The following SESN1 variants were observed in gnomAD, a reference collection of about 807,000 sequenced individuals.
SESN1 encodes the protein sestrin 1.
Under a neutral mutation model 59.3 loss-of-function variants are expected in SESN1, and 30 were observed. The observed-to-expected ratio is 0.51, with a 90% CI of 0.38 to 0.69. SESN1 has a LOEUF of 0.69. SESN1 is among the 30% of genes least tolerant of loss of function. SESN1 has a pLI of 0.00. For synonymous variants in SESN1, 197 were observed against 219.9 expected (o/e 0.90, Z 0.92); for missense variants, 566 against 673.0 (o/e 0.84, Z 1.76).
At chr6:108,992,045 A>C (rs1384019905) in intron 7 of SESN1, among the ~76,000 whole-genome samples, 2 of 152,080 alleles carry the variant, frequency 1.3e-5, no homozygotes, top group East Asian at 3.9e-4. Flanking sequence ...TCAATTTCTA[A>C]TCTATTGCAT....
intron 1 of SESN1, among the ~76,000 whole-genome samples, chr6:109,021,389 AC>A (rs777197681): frequency 5.9e-5 from 9 of 152,068 alleles, no homozygotes; most frequent in Non-Finnish European, 8.8e-5. Context: ...TTTCCATACA[AC>A]CCTAGAGTAG....
chr6:109,051,544 A>G (rs1387157338), intron 1 of SESN1, among the ~76,000 whole-genome samples: 4 of 152,198 alleles, frequency 2.6e-5, no homozygotes, highest in Admixed American at 2.0e-4. Flanking sequence ...ATGGGGTTCT[A>G]AAGTATGAAA....
At chr6:109,034,231 G>A (rs763969474) in intron 1 of SESN1, among the ~76,000 whole-genome samples, 5 of 151,998 alleles carry the variant, frequency 3.3e-5, no homozygotes, top group African/African-American at 9.7e-5. Context: ...TTTGTGTTTT[G>A]GACTTGAATA....
intron 1 of SESN1, among the ~76,000 whole-genome samples, chr6:109,006,322 A>C (rs999099639): frequency 3.9e-5 from 6 of 152,230 alleles, no homozygotes; most frequent in Non-Finnish European, 7.4e-5. Flanking sequence ...ATTATACTTT[A>C]AGTTCTAGGG....
rs1221027320 is a variant in SESN1, at chr6:108,986,226, C to T, written c.*1318G>A. 6.6e-6 allele frequency among the ~76,000 whole-genome samples: 1 copy of T among 152,146 alleles called. No individual in the cohort carries two copies. The highest frequency in any genetic ancestry group is 1.5e-5 in the Non-Finnish European group (1 of 68,028). ...AACTCTAAAACAGTTGAAAAGAGAG[C>T]AGGCATAGGGCCATACCAGTCATTT... On this transcript the variant is annotated 3_prime_UTR_variant, in exon 10 of 10. Coordinates refer to ENST00000436639, the MANE Select transcript of SESN1 (RefSeq NM_014454.3).
chr6:109,023,769 G>T (rs1164770296), intron 1 of SESN1, among the ~76,000 whole-genome samples: 1 of 151,974 alleles, frequency 6.6e-6, no homozygotes, highest in Non-Finnish European at 1.5e-5. Flanking sequence ...TTACCATTTG[G>T]CATAAACAAA....
Position 109,034,886 on chromosome 6 carries a change from C to T in SESN1, c.280-32543G>A, listed in dbSNP as rs572816969. On this transcript the variant is annotated intron_variant, in intron 1 of 9. Transcript: ENST00000436639. ...GAGCTGCTAAACCAGTCCTGCATTGCCTTTATTTACAAGGAAGAAAAATAA... is the reference window on the plus strand; with the variant it reads ...GAGCTGCTAAACCAGTCCTGCATTGTCTTTATTTACAAGGAAGAAAAATAA... 1.7e-4 allele frequency among the ~76,000 whole-genome samples: 26 copies of T among 152,220 alleles called. No individual in the cohort carries two copies. In the South Asian group the frequency reaches 5.4e-3, roughly 32 times the overall value.
chr6:109,051,805 A>T (rs1451695934), intron 1 of SESN1, among the ~76,000 whole-genome samples: 1 of 152,198 alleles, frequency 6.6e-6, no homozygotes, highest in East Asian at 1.9e-4. Context: ...ATTTGGTCTG[A>T]TAAGGGCCTT....
intron 1 of SESN1, among the ~76,000 whole-genome samples, chr6:109,014,247 G>A (rs1779900747): frequency 6.6e-6 from 1 of 152,096 alleles, no homozygotes; most frequent in South Asian, 2.1e-4. Flanking sequence ...AAATCAATGT[G>A]TTAAATAACG....
In SESN1 at chr6:109,094,473, C is replaced by T. The variant is rs1336299042; in HGVS notation, c.-400G>A. On this transcript the variant is annotated 5_prime_UTR_variant, in exon 1 of 10. Transcript: ENST00000436639. The stretch of plus-strand genomic sequence containing the variant: ...AACAGCTGAACGCCCTCCAGCCATT[C>T]GGGGCTTTTTTGTCTGTGCAGCCAC... 5.8e-6 allele frequency: 1 copy of T among 171,278 alleles called. No homozygotes were observed. Among genetic ancestry groups the T allele is most frequent in the Non-Finnish European group, 1.2e-5 (1 of 80,056 alleles). 10.6% of individuals were successfully genotyped at this position (171,278 alleles called of 1,614,324 possible).
chr6:109,092,586 A>C (rs1434527418), intron 1 of SESN1, among the ~76,000 whole-genome samples: 2 of 152,214 alleles, frequency 1.3e-5, no homozygotes, highest in African/African-American at 4.8e-5. Context: ...CAAAAATACA[A>C]AAACTAATGG....
At chr6:109,013,537 G>A (rs1030806130) in intron 1 of SESN1, among the ~76,000 whole-genome samples, 19 of 152,130 alleles carry the variant, frequency 1.2e-4, no homozygotes, top group Non-Finnish European at 4.4e-5. Flanking sequence ...TCATGACAAG[G>A]AATAGATATA....
At chr6:109,022,114 T>C (rs1488860991) in intron 1 of SESN1, among the ~76,000 whole-genome samples, 3 of 152,130 alleles carry the variant, frequency 2.0e-5, no homozygotes, top group Non-Finnish European at 4.4e-5. Context: ...TCCTTTCTCC[T>C]TTCTTCTTTT....
At chr6:108,987,806 C>CTTTTTTTCTTTTTT (rs1779240416) in intron 9 of SESN1, among the ~76,000 whole-genome samples, 176 bp from the exon 10 acceptor site, 1 of 135,588 alleles carries the variant, frequency 7.4e-6, no homozygotes, top group African/African-American at 2.8e-5. Context: ...CAGCAGCTAT[C>CTTTTTTTCTTTTTT]TTTTTTTTTT....
chr6:109,027,353 T>C (rs1227809895), intron 1 of SESN1, among the ~76,000 whole-genome samples: 2 of 151,730 alleles, frequency 1.3e-5, no homozygotes, highest in Non-Finnish European at 2.9e-5. Flanking sequence ...GGCATGTGCC[T>C]GTAATCCCAG....
chr6:109,026,495 G>A (rs1308108325), intron 1 of SESN1, among the ~76,000 whole-genome samples: 1 of 152,082 alleles, frequency 6.6e-6, no homozygotes, highest in Non-Finnish European at 1.5e-5. Context: ...TATAATAGGT[G>A]TAGGTTTAAC....
chr6:108,986,171 T>C lies in SESN1; in HGVS notation c.*1373A>G, dbSNP rs1034938972. ...CTGTAGTCTCTCCCTAATGAATCCT[T>C]CTTTTTAGTAATTCTTAAAATTCTA... On this transcript the variant is annotated 3_prime_UTR_variant, in exon 10 of 10. Transcript: ENST00000436639. Among the ~76,000 whole-genome samples the C allele has an allele frequency of 1.3e-5, 2 of 152,212 alleles. No homozygotes were observed. The highest frequency in any genetic ancestry group is 4.8e-5 in the African/African-American group (2 of 41,454).
chr6:108,994,436 AT>A, intron 6 of SESN1, 25 bp downstream of exon 6: 1 of 1,563,640 alleles, frequency 6.4e-7, no homozygotes, highest in Middle Eastern at 1.7e-4. Flanking sequence ...CAATAATTAT[AT>A]TGACTATATA....
intron 5 of SESN1, 38 bp downstream of exon 5, chr6:108,998,475 A>G: frequency 6.2e-7 from 1 of 1,608,656 alleles, no homozygotes; most frequent in East Asian, 2.2e-5. Flanking sequence ...AATTATTGTG[A>G]TTAGTTTTAT....
Sources: allele counts gnomAD v4.1 joint callset (sites outside exome capture counted in the v4.1 genomes callset), GRCh38; gene constraint gnomAD v4.1.1; transcripts MANE v1.5; gene names NCBI Gene and HGNC (gene_info 2026-07-23, HGNC 2026-07-21).